ERGIC1: variants seen among roughly 807,000 people sequenced by gnomAD.
The protein encoded by ERGIC1 is endoplasmic reticulum-golgi intermediate compartment 1.
ERGIC1 carries 19 observed loss-of-function variants against 38.3 expected under a neutral mutation model. The ratio of observed to expected loss-of-function variants is 0.50; its 90% CI spans 0.35 to 0.73. The LOEUF is 0.73. Among genes scored for constraint, ERGIC1 ranks in the 30% least tolerant of loss-of-function variants. The pLI, the probability that ERGIC1 is intolerant of heterozygous loss-of-function variation, is 0.01. For missense variants in ERGIC1, 294 were observed against 389.2 expected, an observed-to-expected ratio of 0.76 and a Z score of 2.06; for synonymous variants, 124 against 157.6, an observed-to-expected ratio of 0.79 and a Z score of 1.60.
At chr5:172,923,791 G>T (rs1763588196) in intron 5 of ERGIC1, among the ~76,000 whole-genome samples, 1 of 152,204 alleles carries the variant, frequency 6.6e-6, no homozygotes, top group African/African-American at 2.4e-5. Context: ...CAGCCCCCTC[G>T]GAAGCTATGG....
intron 5 of ERGIC1, chr5:172,916,327 G>C (rs1460162414): frequency 6.6e-6 from 1 of 152,312 alleles, no homozygotes; most frequent in African/African-American, 2.4e-5. Flanking sequence ...GGATGCTGGG[G>C]GTCGTGGTTC....
chr5:172,880,584 C>T (rs896933239), intron 1 of ERGIC1, among the ~76,000 whole-genome samples: 2 of 152,196 alleles, frequency 1.3e-5, no homozygotes, highest in African/African-American at 4.8e-5. Context: ...CTTCAGCCTC[C>T]CAGAGTGCTG....
chr5:172,943,516 C>T (rs1764056370), intron 9 of ERGIC1, among the ~76,000 whole-genome samples: 1 of 152,188 alleles, frequency 6.6e-6, no homozygotes, highest in Admixed American at 6.5e-5. Flanking sequence ...GGCGCCTCCT[C>T]CACACGCTTT....
intron 3 of ERGIC1, among the ~76,000 whole-genome samples, chr5:172,905,063 C>T (rs1323183266): frequency 6.6e-6 from 1 of 152,218 alleles, no homozygotes; most frequent in Non-Finnish European, 1.5e-5. Context: ...TGGGTGAGCT[C>T]ACCTTGGCGC....
At position 172,909,674 on chromosome 5, in the gene ERGIC1, G is replaced by A. The variant is rs1561730703; in HGVS notation, c.163G>A (p.Glu55Lys). 1.9e-6 allele frequency: 3 copies of A among 1,614,142 alleles called. No homozygotes were observed. The highest frequency in any genetic ancestry group is 2.5e-6 in the Non-Finnish European group (3 of 1,180,006). The change falls in exon 4 of 10, where the codon GAG becomes AAG. Residue 55 changes from glutamate to lysine, a missense_variant. By Grantham distance (56) the Glu-to-Lys change is moderately conservative (BLOSUM62 1). Coordinates refer to ENST00000393784, the MANE Select transcript of ERGIC1 (RefSeq NM_001031711.3). ...TACTTGTCTTTCCCCTAGTGTGAACGAGCTCTATGTCGATGACCCAGACAA... is the reference window on the plus strand; with the variant it reads ...TACTTGTCTTTCCCCTAGTGTGAACAAGCTCTATGTCGATGACCCAGACAA... ...TGFITTEVVN[E>K]LYVDDPDKDS...
At chr5:172,867,341 C>A in intron 1 of ERGIC1, 1 of 425,970 alleles carries the variant, frequency 2.3e-6, no homozygotes, top group South Asian at 1.7e-5. Context: ...AAGGACGATT[C>A]ATAGGAGAGC....
At chr5:172,942,791 C>T (rs141629444) in intron 9 of ERGIC1, among the ~76,000 whole-genome samples, 330 of 152,190 alleles carry the variant, frequency 2.2e-3, no homozygotes, top group African/African-American at 6.9e-3. Context: ...AACGTGAGAC[C>T]GAGTGGGCTC....
At chr5:172,863,203 G>A (rs556780532) in intron 1 of ERGIC1, among the ~76,000 whole-genome samples, 1 of 152,076 alleles carries the variant, frequency 6.6e-6, no homozygotes. Flanking sequence ...CGCCCACCTC[G>A]GCCTCCCATA....
intron 7 of ERGIC1, among the ~76,000 whole-genome samples, chr5:172,928,886 A>T (rs10036856): frequency 0.18 from 27,037 of 152,154 alleles, 2,578 homozygotes; most frequent in South Asian, 0.22. Flanking sequence ...TGCTATGAGG[A>T]TTAATGAGAT....
intron 1 of ERGIC1, among the ~76,000 whole-genome samples, chr5:172,862,873 C>G (rs710114): frequency 1.4e-3 from 210 of 152,338 alleles, no homozygotes; most frequent in African/African-American, 4.6e-3. Context: ...GATCACCTGC[C>G]ATGAGTCCAA....
In ERGIC1 at chr5:172,843,085, G is replaced by T. The variant is rs1025864260; in HGVS notation, c.20+8652G>T. 1.3e-5 allele frequency among the ~76,000 whole-genome samples: 2 copies of T among 152,212 alleles called. 1 individual carries two copies. Among genetic ancestry groups the T allele is most frequent in the Non-Finnish European group, 2.9e-5 (2 of 68,032 alleles). ...CTTGAACCTCCGGGAGGCGGAGGTT[G>T]CAGTGAGCCGAGATTGTGCCACTGC... On this transcript the variant is annotated intron_variant, in intron 1 of 9. Coordinates refer to ENST00000393784, the MANE Select transcript of ERGIC1 (RefSeq NM_001031711.3).
At chr5:172,933,902 C>G in intron 8 of ERGIC1, 1 of 150,602 alleles carries the variant, frequency 6.6e-6, no homozygotes, top group East Asian at 1.9e-4. Flanking sequence ...TTCAAAAATG[C>G]CTAGCCCACC....
chr5:172,944,578 C>T (rs1336034418), intron 9 of ERGIC1, among the ~76,000 whole-genome samples: 2 of 152,188 alleles, frequency 1.3e-5, no homozygotes, highest in Non-Finnish European at 2.9e-5. Context: ...AGGCTGGTCT[C>T]GAACTCCCCA....
intron 3 of ERGIC1, among the ~76,000 whole-genome samples, chr5:172,900,975 A>G (rs1200655355): frequency 6.6e-6 from 1 of 152,220 alleles, no homozygotes; most frequent in Non-Finnish European, 1.5e-5. Context: ...AGAAAGCATC[A>G]CATCTTTGGG....
chr5:172,901,701 G>A (rs891216723), intron 3 of ERGIC1, among the ~76,000 whole-genome samples: 6 of 152,052 alleles, frequency 3.9e-5, no homozygotes, highest in Non-Finnish European at 7.4e-5. Context: ...CCTCCAGGGC[G>A]ATCCTTCTGC....
rs553274504 is a variant in ERGIC1, at chr5:172,837,817, C to T, written c.20+3384C>T. Among the ~76,000 whole-genome samples the T allele has an allele frequency of 6.6e-6, 1 of 152,328 alleles. No homozygotes were observed. The highest frequency in any genetic ancestry group is 2.1e-4 in the South Asian group (1 of 4,832). ...CTGGCTGTTGCAGTTGTGGAACTAG[C>T]CTTGTGACCCACATCCGTGTGTGTT... On this transcript the variant is annotated intron_variant, in intron 1 of 9. Coordinates refer to ENST00000393784, the MANE Select transcript of ERGIC1 (RefSeq NM_001031711.3). This position sits in a 1 kb window ranked among gnomAD's most constrained non-coding sequence, Gnocchi z 4.3.
chr5:172,892,074 T>TGTTTTGTTTTTTTTTTG (rs1561720683), intron 2 of ERGIC1, among the ~76,000 whole-genome samples: 1 of 149,704 alleles, frequency 6.7e-6, no homozygotes, highest in African/African-American at 2.5e-5. Flanking sequence ...TTTTTTTTTT[T>TGTTTTGTTTTTTTTTTG]TTTTTTTTTT....
At chr5:172,911,006 C>T (rs1041519403) in intron 4 of ERGIC1, among the ~76,000 whole-genome samples, 6 of 152,152 alleles carry the variant, frequency 3.9e-5, no homozygotes, top group Non-Finnish European at 8.8e-5. Context: ...GAATCTAATG[C>T]CATGGTCCCT....
chr5:172,871,610 C>T (rs1762011934), intron 1 of ERGIC1, among the ~76,000 whole-genome samples: 1 of 152,216 alleles, frequency 6.6e-6, no homozygotes, highest in Non-Finnish European at 1.5e-5. Flanking sequence ...CTCCGATGTG[C>T]TCCCAGCACC....
Sources: allele counts gnomAD v4.1 joint callset (sites outside exome capture counted in the v4.1 genomes callset), GRCh38; gene constraint gnomAD v4.1.1; non-coding constraint Gnocchi (gnomAD v3.1); transcripts MANE v1.5; gene names NCBI Gene and HGNC (gene_info 2026-07-23, HGNC 2026-07-21).